FUT8: variants seen among roughly 807,000 people sequenced by gnomAD.
The protein encoded by FUT8 is fucosyltransferase 8.
Under a neutral mutation model 71.3 loss-of-function variants are expected in FUT8, and 29 were observed. That is an observed-to-expected ratio of 0.41 (90% CI 0.30 to 0.55). The LOEUF is 0.55. Ranked by LOEUF, FUT8 falls within the 20% of genes least tolerant of loss-of-function variation. The probability of loss-of-function intolerance (pLI) is 0.34; values close to 1 mark genes in which losing one functional copy is unlikely to be tolerated. For missense variants in FUT8, 544 were observed against 702.1 expected (o/e 0.77, Z 2.55); for synonymous variants, 254 against 239.3 (o/e 1.06, Z -0.57).
intron 3 of FUT8, among the ~76,000 whole-genome samples, chr14:65,588,680 A>G (rs1158133494): frequency 1.3e-5 from 2 of 151,214 alleles, no homozygotes; most frequent in African/African-American, 4.8e-5. Flanking sequence ...CAGTTTCAGT[A>G]TACACAGTCA....
At chr14:65,523,418 GTTGT>G (rs1203084353) in intron 2 of FUT8, among the ~76,000 whole-genome samples, 5 of 128,014 alleles carry the variant, frequency 3.9e-5, no homozygotes, top group Non-Finnish European at 3.9e-5. Flanking sequence ...TTTTGATGAG[GTTGT>G]TTGTTTTTTT....
intron 2 of FUT8, among the ~76,000 whole-genome samples, chr14:65,493,831 A>C (rs1251621442): frequency 6.6e-6 from 1 of 152,042 alleles, no homozygotes; most frequent in Non-Finnish European, 1.5e-5. Flanking sequence ...AGTGTTTGGA[A>C]ATAAAAGATT....
At chr14:65,559,529 T>C (rs1885789625) in intron 2 of FUT8, among the ~76,000 whole-genome samples, 1 of 152,164 alleles carries the variant, frequency 6.6e-6, no homozygotes, top group African/African-American at 2.4e-5. Context: ...GACAACTGTA[T>C]ATCTTAATAG....
chr14:65,575,463 A>T (rs1886705100), intron 3 of FUT8, among the ~76,000 whole-genome samples: 1 of 152,130 alleles, frequency 6.6e-6, no homozygotes, highest in African/African-American at 2.4e-5. Flanking sequence ...TTTTGATAGG[A>T]TATCCAAATA....
chr14:65,554,433 T>TATTA (rs1555370724), intron 2 of FUT8, among the ~76,000 whole-genome samples: 3 of 143,490 alleles, frequency 2.1e-5, no homozygotes, highest in East Asian at 2.0e-4. Flanking sequence ...TATATATATA[T>TATTA]TATATATATA....
At chr14:65,563,898 A>G (rs1395476296) in intron 3 of FUT8, among the ~76,000 whole-genome samples, 3 of 152,096 alleles carry the variant, frequency 2.0e-5, no homozygotes, top group Non-Finnish European at 2.9e-5. Flanking sequence ...TGTAGAGACT[A>G]CTTTCAAGAG....
intron 1 of FUT8, among the ~76,000 whole-genome samples, chr14:65,418,242 T>A (rs948288658): frequency 2.0e-5 from 3 of 152,208 alleles, no homozygotes; most frequent in African/African-American, 7.2e-5. Context: ...TAATTACCTT[T>A]AACGTATAAC....
At chr14:65,362,661 T>G in the FUT8 span, among the ~76,000 whole-genome samples, 1 of 152,082 alleles carries the variant, frequency 6.6e-6, no homozygotes, top group Non-Finnish European at 1.5e-5. Flanking sequence ...ATCCTCTGAT[T>G]AAGAAATTCT....
chr14:65,701,785 T>G (rs987260173), intron 7 of FUT8, among the ~76,000 whole-genome samples: 3 of 152,166 alleles, frequency 2.0e-5, no homozygotes, highest in African/African-American at 7.2e-5. Flanking sequence ...CTAGTACACA[T>G]TATAGAGAAA....
chr14:65,633,948 T>C (rs1890385618), intron 6 of FUT8, among the ~76,000 whole-genome samples: 1 of 142,170 alleles, frequency 7.0e-6, no homozygotes, highest in Admixed American at 7.0e-5. Context: ...AGGTGGGGGG[T>C]CAGCCCCTGC....
chr14:65,409,039 A>C (rs998207882), upstream of FUT8, among the ~76,000 whole-genome samples: 2 of 152,184 alleles, frequency 1.3e-5, no homozygotes, highest in African/African-American at 2.4e-5. The surrounding 1 kb of genome is among the most constrained non-coding windows in gnomAD (Gnocchi z 5.4). Flanking sequence ...GGCTAGATTT[A>C]TAGTTTTAGA....
At chr14:65,372,322 G>A in the FUT8 span, among the ~76,000 whole-genome samples, 1 of 152,108 alleles carries the variant, frequency 6.6e-6, no homozygotes, top group Non-Finnish European at 1.5e-5. Context: ...TAAGAAAACT[G>A]AGAAAACGGA....
rs186448219 is a variant in FUT8, at chr14:65,711,766, A to G, written c.836-10009A>G. On this transcript the variant is annotated intron_variant, in intron 7 of 10. Coordinates refer to ENST00000673929, the MANE Select transcript of FUT8 (RefSeq NM_001371533.1). ...TTATTTTACTGCCATTTATTCAGGC[A>G]ACAAATGTCATGTTTCAAAGATTTT... is the stretch of plus-strand genomic sequence containing the variant. 1.4e-4 allele frequency among the ~76,000 whole-genome samples: 22 copies of G among 152,324 alleles called. No individual in the cohort carries two copies. In the East Asian group the frequency reaches 4.0e-3, roughly 28 times the overall value.
intron 3 of FUT8, among the ~76,000 whole-genome samples, chr14:65,569,596 A>G (rs1367918054): frequency 1.3e-5 from 2 of 151,474 alleles, no homozygotes; most frequent in Non-Finnish European, 2.9e-5. Context: ...TCCATTTTTC[A>G]TCTGTCTTGT....
the FUT8 span, among the ~76,000 whole-genome samples, chr14:65,370,364 G>A: frequency 6.6e-6 from 1 of 151,554 alleles, no homozygotes; most frequent in Non-Finnish European, 1.5e-5. Flanking sequence ...CCTGCCACCA[G>A]GCCCGGCTAA....
Position 65,481,664 on chromosome 14 carries a change from ATAAATT to A in FUT8, c.-228+25949_-228+25954del, listed in dbSNP as rs1338799104. 3.9e-5 allele frequency among the ~76,000 whole-genome samples: 6 copies of A among 152,162 alleles called. No individual in the cohort carries two copies. The East Asian group carries it at 1.2e-3, about 29-fold the overall frequency. ...AAATCCTGAATTGCTTTTGGTCACT[ATAAATT>A]TAGTGCCTTTTCTAAAGTTTTTTTT... On this transcript the variant is annotated intron_variant, in intron 2 of 10. Coordinates refer to ENST00000673929, the MANE Select transcript of FUT8 (RefSeq NM_001371533.1).
At chr14:65,390,857 G>A in the FUT8 span, among the ~76,000 whole-genome samples, 45 of 151,678 alleles carry the variant, frequency 3.0e-4, no homozygotes, top group Non-Finnish European at 5.4e-4. Flanking sequence ...TTGAGTAGCT[G>A]GGACTACAGG....
intron 1 of FUT8, among the ~76,000 whole-genome samples, chr14:65,445,710 A>G (rs2065729245): frequency 6.6e-6 from 1 of 152,256 alleles, no homozygotes; most frequent in African/African-American, 2.4e-5. Context: ...TTGTATAAAT[A>G]CTGTCTAATG....
intron 7 of FUT8, among the ~76,000 whole-genome samples, chr14:65,693,230 T>C (rs1282244617): frequency 6.6e-6 from 1 of 152,068 alleles, no homozygotes; most frequent in Admixed American, 6.5e-5. Context: ...GAGCACTGAG[T>C]GAACGAGACT....
Sources: gnomAD v4.1 joint callset for allele counts (sites outside exome capture counted in the v4.1 genomes callset) on GRCh38, gnomAD v4.1.1 for gene constraint, Gnocchi (gnomAD v3.1) non-coding constraint, MANE v1.5 for transcripts, NCBI Gene and HGNC (gene_info 2026-07-23, HGNC 2026-07-21) for gene names.